Variants in SLCO5A1 observed in about 807,000 individuals in gnomAD.
The protein encoded by SLCO5A1 is organic anion transporter polypeptide-related protein 4.
SLCO5A1 carries 39 observed loss-of-function variants against 65.1 expected under a neutral mutation model. That is an observed-to-expected ratio of 0.60 (90% CI 0.46 to 0.78). The LOEUF is 0.78. Among genes scored for constraint, SLCO5A1 ranks in the 30% least tolerant of loss-of-function variants. SLCO5A1 has a pLI of 0.00. For synonymous variants in SLCO5A1, 438 were observed against 415.7 expected (o/e 1.05, Z -0.65); for missense variants, 1,029 against 1,069.4 (o/e 0.96, Z 0.53).
At position 69,667,625 on chromosome 8, in the gene SLCO5A1, T is replaced by C. The variant is rs1813219802; in HGVS notation, c.*5244A>G. 2.0e-5 allele frequency: 3 copies of C among 152,294 alleles called. No individual in the cohort carries two copies. Among genetic ancestry groups the C allele is most frequent in the Admixed American group, 6.5e-5 (1 of 15,288 alleles). 9.4% of individuals were successfully genotyped at this position (152,294 alleles called of 1,614,324 possible). ...GCAATTACTTTAGTTTCAATAATATTTTCTCCTTCAATTTTAACATGTAGT... is the reference window on the plus strand; with the variant it reads ...GCAATTACTTTAGTTTCAATAATATCTTCTCCTTCAATTTTAACATGTAGT... On this transcript the variant is annotated 3_prime_UTR_variant, in exon 10 of 10. Coordinates refer to ENST00000260126, the MANE Select transcript of SLCO5A1 (RefSeq NM_030958.3).
chr8:69,784,532 A>C (rs1386991364), intron 2 of SLCO5A1, among the ~76,000 whole-genome samples: 1 of 152,190 alleles, frequency 6.6e-6, no homozygotes. Context: ...TCACGCCTGT[A>C]ATCCCAGCAC....
At chr8:69,807,995 G>A (rs955770581) in intron 2 of SLCO5A1, among the ~76,000 whole-genome samples, 8 of 152,136 alleles carry the variant, frequency 5.3e-5, no homozygotes, top group African/African-American at 7.2e-5. Context: ...GAGCCACCGC[G>A]CCCAGCTCAG....
At chr8:69,800,284 T>C (rs1255826121) in intron 2 of SLCO5A1, among the ~76,000 whole-genome samples, 1 of 145,712 alleles carries the variant, frequency 6.9e-6, no homozygotes, top group Non-Finnish European at 1.5e-5. Flanking sequence ...GACAAGGTCT[T>C]GCCCTGTCAC....
rs762754824 is a variant in SLCO5A1, at chr8:69,761,857, C to G, written c.926G>C (p.Gly309Ala). Residue 309 changes from glycine (G) to alanine (A), a missense_variant, in exon 3 of 10, where the codon GGA becomes GCA. Coordinates refer to ENST00000260126, the MANE Select transcript of SLCO5A1 (RefSeq NM_030958.3). ...SLYLAIMYVMGALGPAVGYLL... is the reference protein window; with the variant it reads ...SLYLAIMYVMAALGPAVGYLL... ...ATATCCCACTGCAGGGCCAAGTGCT[C>G]CCATGACATACATGATGGCTGAGAA... 2.5e-6 allele frequency: 4 copies of G among 1,613,314 alleles called. No individual in the cohort carries two copies. The African/African-American group carries it at 5.3e-5, about 22-fold the overall frequency.
chr8:69,677,901 C>T (rs1366479628), intron 8 of SLCO5A1, among the ~76,000 whole-genome samples: 1 of 152,090 alleles, frequency 6.6e-6, no homozygotes, highest in African/African-American at 2.4e-5. Flanking sequence ...CCCTGCACTG[C>T]ACCCCCTAAT....
At position 69,668,904 on chromosome 8, in the gene SLCO5A1, T is replaced by C. The variant is rs932582140; in HGVS notation, c.*3965A>G. 2.0e-5 allele frequency: 3 copies of C among 152,176 alleles called. No homozygotes were observed. The highest frequency in any genetic ancestry group is 4.4e-5 in the Non-Finnish European group (3 of 68,042). The allele number at this position is 152,176 out of a possible 1,614,324, so 9.4% of individuals were successfully genotyped here. ...GATCAGTGGTTTGATATGTATTTTA[T>C]GTGTGTTCACTTAAAACCCTTATTA... On this transcript the variant is annotated 3_prime_UTR_variant, in exon 10 of 10. Coordinates refer to ENST00000260126, the MANE Select transcript of SLCO5A1 (RefSeq NM_030958.3).
chr8:69,745,250 G>GT (rs1330988836), intron 4 of SLCO5A1, among the ~76,000 whole-genome samples: 5 of 150,798 alleles, frequency 3.3e-5, no homozygotes, highest in African/African-American at 7.3e-5. Flanking sequence ...TTTCTGATTA[G>GT]TTTTTTTTTC....
Position 69,763,438 on chromosome 8 carries a change from A to T in SLCO5A1, c.908-1563T>A, listed in dbSNP as rs572041273. ...GAGACCAGCCTGGCCAACATGGTGAAACCCCATTTCTACCAAAAATACAAA... is the reference window on the plus strand; with the variant it reads ...GAGACCAGCCTGGCCAACATGGTGATACCCCATTTCTACCAAAAATACAAA... On this transcript the variant is annotated intron_variant, in intron 2 of 9. Coordinates refer to ENST00000260126, the MANE Select transcript of SLCO5A1 (RefSeq NM_030958.3). 2.8e-3 allele frequency among the ~76,000 whole-genome samples: 426 copies of T among 152,006 alleles called. 5 individuals are homozygous for T. Among genetic ancestry groups the T allele is most frequent in the Non-Finnish European group, 4.4e-3 (299 of 67,932 alleles).
At chr8:69,722,856 A>G (rs904595908) in intron 5 of SLCO5A1, among the ~76,000 whole-genome samples, 7 of 152,092 alleles carry the variant, frequency 4.6e-5, no homozygotes, top group African/African-American at 1.7e-4. Context: ...ATATACATAC[A>G]TATGTAGGAA....
In SLCO5A1 at chr8:69,829,620, G is replaced by A. The variant is rs117514769; in HGVS notation, c.907+2147C>T. Among the ~76,000 whole-genome samples the A allele has an allele frequency of 8.3e-4, 127 of 152,314 alleles. 2 individuals are homozygous for A. The East Asian group carries it at 0.024, about 28-fold the overall frequency. ...TTGAATCTGGGAGGCAGAAGTTGCA[G>A]TGAGCTGAGATTGTGCCACTGCACT... is the stretch of plus-strand genomic sequence containing the variant. On this transcript the variant is annotated intron_variant, in intron 2 of 9. Transcript: ENST00000260126.
intron 6 of SLCO5A1, among the ~76,000 whole-genome samples, chr8:69,689,280 T>C (rs1234830398): frequency 1.8e-5 from 2 of 109,486 alleles, no homozygotes; most frequent in Non-Finnish European, 3.6e-5. Context: ...TTCTCCCATT[T>C]TGTAGGTTGC....
intron 2 of SLCO5A1, among the ~76,000 whole-genome samples, chr8:69,817,015 C>T (rs1219782190): frequency 2.0e-5 from 3 of 152,138 alleles, no homozygotes; most frequent in African/African-American, 4.8e-5. Context: ...GGACAGATCT[C>T]TTAATTTTTT....
At chr8:69,733,763 G>T (rs962264730) in intron 5 of SLCO5A1, among the ~76,000 whole-genome samples, 3 of 152,072 alleles carry the variant, frequency 2.0e-5, no homozygotes. Flanking sequence ...TTCCCCTTTC[G>T]CCCTGACTGT....
At chr8:69,714,132 C>G (rs1312519902) in intron 5 of SLCO5A1, among the ~76,000 whole-genome samples, 1 of 152,182 alleles carries the variant, frequency 6.6e-6, no homozygotes, top group African/African-American at 2.4e-5. Context: ...TCATATATCT[C>G]AATCTTACTG....
Position 69,833,049 on chromosome 8 carries a change from T to G in SLCO5A1, c.-376A>C. On this transcript the variant is annotated 5_prime_UTR_variant, in exon 2 of 10. Coordinates refer to ENST00000260126, the MANE Select transcript of SLCO5A1 (RefSeq NM_030958.3). ...CCCGCGGCCAGGAGCGAGTGCACCCTGCGCCGGGGGTGGGGGGGCACTTAG... is the reference window on the plus strand; with the variant it reads ...CCCGCGGCCAGGAGCGAGTGCACCCGGCGCCGGGGGTGGGGGGGCACTTAG... The G allele has an allele frequency of 7.7e-6, 2 of 258,108 alleles. No homozygotes were observed. The highest frequency in any genetic ancestry group is 2.3e-5 in the African/African-American group (1 of 43,464). 16.0% of individuals were successfully genotyped at this position (258,108 alleles called of 1,614,324 possible).
chr8:69,812,714 A>G (rs1586827003), intron 2 of SLCO5A1, among the ~76,000 whole-genome samples: 1 of 152,320 alleles, frequency 6.6e-6, no homozygotes, highest in East Asian at 1.9e-4. Flanking sequence ...ACTTGCATTC[A>G]CTACCACTGC....
chr8:69,809,746 G>C (rs976598709), intron 2 of SLCO5A1, among the ~76,000 whole-genome samples: 2 of 152,022 alleles, frequency 1.3e-5, no homozygotes, highest in East Asian at 1.9e-4. Context: ...GTGTGTGTGT[G>C]TGTGTGTGTT....
intron 5 of SLCO5A1, among the ~76,000 whole-genome samples, chr8:69,727,471 CTA>C (rs1157319631): frequency 1.3e-5 from 2 of 152,080 alleles, no homozygotes; most frequent in Non-Finnish European, 1.5e-5. Context: ...TAATATGGAC[CTA>C]TAATGGATTG....
chr8:69,692,466 C>T (rs1443645080), intron 6 of SLCO5A1, among the ~76,000 whole-genome samples: 31 of 152,148 alleles, frequency 2.0e-4, no homozygotes, highest in Admixed American at 2.0e-3. Context: ...ACAGTTCTTT[C>T]TTCAATAATA....
Sources: allele counts gnomAD v4.1 joint callset (sites outside exome capture counted in the v4.1 genomes callset), GRCh38; gene constraint gnomAD v4.1.1; transcripts MANE v1.5; gene names NCBI Gene and HGNC (gene_info 2026-07-23, HGNC 2026-07-21).